SHROOM3: variants seen among roughly 807,000 people sequenced by gnomAD.
SHROOM3 encodes the protein shroom family member 3, also known as protein Shroom3.
SHROOM3 carries 47 observed loss-of-function variants against 138.6 expected under a neutral mutation model. That is an observed-to-expected ratio of 0.34 (90% CI 0.27 to 0.43). The LOEUF is 0.43. Ranked by LOEUF, SHROOM3 falls within the 20% of genes least tolerant of loss-of-function variation. The pLI, the probability that SHROOM3 is intolerant of heterozygous loss-of-function variation, is 1.00. For synonymous variants in SHROOM3, 1,062 were observed against 1,063.3 expected, an observed-to-expected ratio of 1.00 and a Z score of 0.02; for missense variants, 2,491 against 2,596.5, an observed-to-expected ratio of 0.96 and a Z score of 0.88.
chr4:76,477,197 G>T (rs1731503032), intron 1 of SHROOM3, among the ~76,000 whole-genome samples: 1 of 152,038 alleles, frequency 6.6e-6, no homozygotes, highest in South Asian at 2.1e-4. Context: ...TCGATCTTCT[G>T]ACCTCGTGAT....
At chr4:76,640,642 C>A (rs1379469300) in intron 2 of SHROOM3, among the ~76,000 whole-genome samples, 1 of 152,236 alleles carries the variant, frequency 6.6e-6, no homozygotes, top group East Asian at 1.9e-4. Context: ...TCCTTTCCAG[C>A]TATGAGCTCA....
In SHROOM3 at chr4:76,756,943, T is replaced by A; in HGVS notation, c.5198+6T>A. On this transcript the variant is annotated splice_donor_region_variant and intron_variant, in intron 8 of 10. Coordinates refer to ENST00000296043, the MANE Select transcript of SHROOM3 (RefSeq NM_020859.4). ...TCAGGATGTGAAGGCAAGAGGTAAG[T>A]CCCTGGTGATGTCCTCAGAGAGACT... 1 of 1,613,640 alleles carries A rather than the reference T, an allele frequency of 6.2e-7. No individual in the cohort carries two copies. The highest frequency in any genetic ancestry group is 1.3e-5 in the African/African-American group (1 of 74,966).
rs531786948 is a variant in SHROOM3 at position 76,782,986 on chromosome 4, G to A, written c.*3809G>A. On this transcript the variant is annotated 3_prime_UTR_variant, in exon 11 of 11. Transcript: ENST00000296043. The stretch of plus-strand genomic sequence containing the variant: ...GTTTCTCAAAGTGTGGTCAGGATAC[G>A]ATCTGCATCAGAATCCTTGGAATGC... 3 of 152,150 alleles carry A rather than the reference G, an allele frequency of 2.0e-5. No homozygotes were observed. Among genetic ancestry groups the A allele is most frequent in the African/African-American group, 7.2e-5 (3 of 41,418 alleles). The allele number at this position is 152,150 out of a possible 1,614,324, so 9.4% of individuals were successfully genotyped here.
rs538132281 is a variant in SHROOM3 at position 76,601,123 on chromosome 4, C to A, written c.323+45360C>A. ...TTCAGAGTGTTTAAAATTAGCCACC[C>A]ATAGTTTGCTGTAAAACAGAAATAA... On this transcript the variant is annotated intron_variant, in intron 2 of 10. Coordinates refer to ENST00000296043, the MANE Select transcript of SHROOM3 (RefSeq NM_020859.4). Among the ~76,000 whole-genome samples, 208 of 152,318 alleles carry A rather than the reference C, an allele frequency of 1.4e-3. 1 individual carries two copies. Among genetic ancestry groups the A allele is most frequent in the Non-Finnish European group, 2.2e-4 (15 of 68,026 alleles).
chr4:76,646,568 C>T (rs1395484282), intron 2 of SHROOM3, among the ~76,000 whole-genome samples: 1 of 152,022 alleles, frequency 6.6e-6, no homozygotes, highest in Non-Finnish European at 1.5e-5. Flanking sequence ...TGACATTTAT[C>T]ACATAACACG....
intron 2 of SHROOM3, among the ~76,000 whole-genome samples, chr4:76,706,197 CT>C (rs148005663): frequency 0.014 from 2,077 of 152,240 alleles, 42 homozygotes; most frequent in African/African-American, 0.046. Flanking sequence ...TCACTGCAAC[CT>C]CTACCTCCCG....
Position 76,734,692 on chromosome 4 carries a change from AG to A in SHROOM3, c.587+3758del, listed in dbSNP as rs1578003734. 3.9e-5 allele frequency among the ~76,000 whole-genome samples: 6 copies of A among 152,224 alleles called. No homozygotes were observed. The East Asian group carries it at 7.7e-4, about 20-fold the overall frequency. ...TACCTGGTAGATACCTGTGTTTAAA[AG>A]TATTTTAAACACACAAAATAGAATG... On this transcript the variant is annotated intron_variant, in intron 4 of 10. Coordinates refer to ENST00000296043, the MANE Select transcript of SHROOM3 (RefSeq NM_020859.4).
chr4:76,640,238 T>C (rs1735627069), intron 2 of SHROOM3, among the ~76,000 whole-genome samples: 1 of 152,216 alleles, frequency 6.6e-6, no homozygotes, highest in South Asian at 2.1e-4. Flanking sequence ...TTAGCTGTAA[T>C]CTGCAAAGAT....
At chr4:76,545,966 A>G (rs532102611) in intron 1 of SHROOM3, among the ~76,000 whole-genome samples, 30 of 152,246 alleles carry the variant, frequency 2.0e-4, no homozygotes, top group Non-Finnish European at 3.7e-4. Flanking sequence ...TAAAACTTGG[A>G]AAAGAATAGC....
chr4:76,763,531 A>G (rs1169139418), intron 9 of SHROOM3, among the ~76,000 whole-genome samples: 2 of 152,104 alleles, frequency 1.3e-5, no homozygotes, highest in East Asian at 3.9e-4. Flanking sequence ...TGCCACTCCA[A>G]TCCAGCCTGA....
At chr4:76,518,594 CCTGT>C in intron 1 of SHROOM3, among the ~76,000 whole-genome samples, 1 of 151,150 alleles carries the variant, frequency 6.6e-6, no homozygotes. Context: ...TGCCTGCCTG[CCTGT>C]GTTAAATAAT....
intron 3 of SHROOM3, among the ~76,000 whole-genome samples, chr4:76,726,286 C>T (rs1468712889): frequency 6.6e-6 from 1 of 152,108 alleles, no homozygotes; most frequent in African/African-American, 2.4e-5. Flanking sequence ...TCCCTCTCCC[C>T]TAAATTTTGA....
At chr4:76,682,993 G>A (rs1300537601) in intron 2 of SHROOM3, among the ~76,000 whole-genome samples, 1 of 152,132 alleles carries the variant, frequency 6.6e-6, no homozygotes. Flanking sequence ...GATGCTGGTG[G>A]CATATAAATC....
chr4:76,772,684 G>A lies in SHROOM3; in HGVS notation c.5622+1786G>A, dbSNP rs114209581. 3.9e-3 allele frequency among the ~76,000 whole-genome samples: 587 copies of A among 152,098 alleles called. 1 individual carries two copies. Among genetic ancestry groups the A allele is most frequent in the African/African-American group, 0.014 (560 of 41,472 alleles). ...TGTCCTGTCCTCCTTTCTTCCACTCGACAAACAGCTAACAGTAGCCTGTCA... is the reference window on the plus strand; with the variant it reads ...TGTCCTGTCCTCCTTTCTTCCACTCAACAAACAGCTAACAGTAGCCTGTCA... On this transcript the variant is annotated intron_variant, in intron 10 of 10. Coordinates refer to ENST00000296043, the MANE Select transcript of SHROOM3 (RefSeq NM_020859.4).
At chr4:76,441,792 G>A (rs1730696908) in intron 1 of SHROOM3, among the ~76,000 whole-genome samples, 1 of 151,978 alleles carries the variant, frequency 6.6e-6, no homozygotes, top group African/African-American at 2.4e-5. Flanking sequence ...GCACGATCTC[G>A]GCTCACTGCA....
intron 2 of SHROOM3, among the ~76,000 whole-genome samples, chr4:76,635,910 C>T (rs1218903899): frequency 6.6e-6 from 1 of 152,222 alleles, no homozygotes; most frequent in African/African-American, 2.4e-5. Context: ...CAGAAATACC[C>T]ATTATTGTCC....
At chr4:76,502,520 G>T (rs187678707) in intron 1 of SHROOM3, among the ~76,000 whole-genome samples, 3 of 152,262 alleles carry the variant, frequency 2.0e-5, no homozygotes. Flanking sequence ...GAATTCAATT[G>T]AATTAGAGGA....
In SHROOM3 at chr4:76,741,840, G is replaced by A. The variant is rs1721267624; in HGVS notation, c.3667G>A (p.Glu1223Lys). The change falls in exon 5 of 11, where the codon GAG becomes AAG. Residue 1223 changes from glutamate to lysine, a missense_variant. Coordinates refer to ENST00000296043, the MANE Select transcript of SHROOM3 (RefSeq NM_020859.4). The surrounding 1 kb of genome is among the most constrained non-coding windows in gnomAD (Gnocchi z 6.2). ...GARAGKSMSA[E>K]DLLERSDVLA... is the part of the protein sequence containing the mutation. ...CAGGGCCGGGAAGTCCATGTCGGCC[G>A]AGGACCTGCTGGAACGCTCGGACGT... 1 of 1,604,468 alleles carries A rather than the reference G, an allele frequency of 6.2e-7. No individual in the cohort carries two copies. Among genetic ancestry groups the A allele is most frequent in the Non-Finnish European group, 8.5e-7 (1 of 1,176,540 alleles).
intron 2 of SHROOM3, among the ~76,000 whole-genome samples, chr4:76,677,910 C>G (rs1228608773): frequency 7.9e-5 from 12 of 152,084 alleles, no homozygotes. Context: ...AAAAATTTTC[C>G]TCTTGCGTGA....
Sources: gnomAD v4.1 joint callset for allele counts (sites outside exome capture counted in the v4.1 genomes callset) on GRCh38, gnomAD v4.1.1 for gene constraint, Gnocchi (gnomAD v3.1) non-coding constraint, MANE v1.5 for transcripts, NCBI Gene and HGNC (gene_info 2026-07-23, HGNC 2026-07-21) for gene names.